CGNL1: variants seen among roughly 807,000 people sequenced by gnomAD.
The protein encoded by CGNL1 is cingulin-like protein 1.
A neutral mutation model predicts 141.2 loss-of-function variants in CGNL1; 132 were observed. That is an observed-to-expected ratio of 0.93 (90% CI 0.81 to 1.08). The LOEUF (loss-of-function observed/expected upper bound fraction) is 1.08. Ranked by LOEUF, CGNL1 falls within the 50% of genes least tolerant of loss-of-function variation. The probability of loss-of-function intolerance (pLI) is 0.00; values close to 1 mark genes in which losing one functional copy is unlikely to be tolerated. For synonymous variants in CGNL1, 690 were observed against 622.1 expected (o/e 1.11, Z -1.63); for missense variants, 1,870 against 1,588.6 (o/e 1.18, Z -3.01).
At chr15:57,406,086 T>A (rs1414244845) in intron 1 of CGNL1, 1 of 152,226 alleles carries the variant, frequency 6.6e-6, no homozygotes, top group Non-Finnish European at 1.5e-5. Context: ...CAGTGGGTGA[T>A]GAGCGCTAAG....
chr15:57,545,746 C>G (rs1418278255), intron 17 of CGNL1, 46 bp downstream of exon 17: 1 of 1,514,260 alleles, frequency 6.6e-7, no homozygotes, highest in Non-Finnish European at 9.1e-7. Context: ...GATTGCGTGT[C>G]TCAGGCTGAG....
chr15:57,539,734 C>T (rs1267685918), intron 14 of CGNL1, among the ~76,000 whole-genome samples: 3 of 152,226 alleles, frequency 2.0e-5, no homozygotes, highest in Non-Finnish European at 4.4e-5. Context: ...CCTGGATTCT[C>T]CCTGCCTCCC....
chr15:57,414,661 A>AAACAACAACAACAAC (rs10527352), intron 1 of CGNL1, among the ~76,000 whole-genome samples: 2,049 of 151,344 alleles, frequency 0.014, 19 homozygotes, highest in Middle Eastern at 0.041. Flanking sequence ...TTTAAAACCA[A>AAACAACAACAACAAC]AACAACAACA....
chr15:57,473,874 ACTTCTT>A (rs1270331869), intron 8 of CGNL1, among the ~76,000 whole-genome samples: 43 of 109,802 alleles, frequency 3.9e-4, no homozygotes, highest in East Asian at 6.8e-4. Flanking sequence ...TGATTGAGTC[ACTTCTT>A]CTTCTTCTTC....
At position 57,516,846 on chromosome 15, in the gene CGNL1, G is replaced by A. The variant is rs574028211; in HGVS notation, c.2470G>A (p.Val824Met). 22 of 1,614,208 alleles carry A rather than the reference G, an allele frequency of 1.4e-5. No homozygotes were observed. The highest frequency in any genetic ancestry group is 7.7e-5 in the South Asian group (7 of 91,082). Reference sequence around the variant, plus strand: ...AGACCAGGCGGGGACTGAAATGCGCGTGAAGCTTCTGCAGGAGGAGAATGA... The same window carrying A: ...AGACCAGGCGGGGACTGAAATGCGCATGAAGCTTCTGCAGGAGGAGAATGA... The part of the protein sequence containing the change: ...EQDQAGTEMR[V>M]KLLQEENEKL... Residue 824 changes from valine (V) to methionine (M), a missense_variant, in exon 9 of 19, where the codon GTG becomes ATG. By Grantham distance (21) the Val-to-Met change is conservative. Transcript: ENST00000281282.
chr15:57,523,676 C>T (rs779900046), intron 11 of CGNL1, 35 bp downstream of exon 11: 2 of 1,609,704 alleles, frequency 1.2e-6, no homozygotes, highest in South Asian at 1.1e-5. Context: ...GAAGTAGGGC[C>T]AGATGTCTTT....
intron 1 of CGNL1, among the ~76,000 whole-genome samples, chr15:57,401,801 A>ATT (rs2062663433): frequency 6.6e-6 from 1 of 152,016 alleles, no homozygotes; most frequent in African/African-American, 2.4e-5. Flanking sequence ...CAAAAACTTG[A>ATT]TTTTTTTGGA....
At chr15:57,476,576 G>A (rs1426644786) in intron 8 of CGNL1, among the ~76,000 whole-genome samples, 6 of 152,158 alleles carry the variant, frequency 3.9e-5, no homozygotes, top group Non-Finnish European at 7.3e-5. Context: ...AGTAGTAGGC[G>A]GCCTCTGAAG....
At chr15:57,412,640 C>T (rs1430800161) in intron 1 of CGNL1, among the ~76,000 whole-genome samples, 1 of 152,204 alleles carries the variant, frequency 6.6e-6, no homozygotes, top group African/African-American at 2.4e-5. Context: ...CTTGACGCAT[C>T]TCTGTGAGAA....
intron 1 of CGNL1, among the ~76,000 whole-genome samples, chr15:57,410,598 T>G (rs149499444): frequency 1.3e-5 from 2 of 152,318 alleles, no homozygotes; most frequent in African/African-American, 4.8e-5. Context: ...TGTGTACGTG[T>G]GTGTAGCAGG....
At chr15:57,505,277 T>G (rs775631466) in intron 8 of CGNL1, among the ~76,000 whole-genome samples, 6 of 152,136 alleles carry the variant, frequency 3.9e-5, no homozygotes, top group Non-Finnish European at 8.8e-5. Context: ...TTCACACCAT[T>G]ATCTTTCATT....
chr15:57,469,544 G>A (rs541372167), intron 8 of CGNL1, among the ~76,000 whole-genome samples: 3 of 151,976 alleles, frequency 2.0e-5, no homozygotes, highest in East Asian at 3.9e-4. Flanking sequence ...ACAGTCTATT[G>A]GGGGAGTTTC....
At chr15:57,390,663 A>G (rs1267883738) in intron 1 of CGNL1, among the ~76,000 whole-genome samples, 1 of 152,036 alleles carries the variant, frequency 6.6e-6, no homozygotes, top group South Asian at 2.1e-4. Flanking sequence ...GTGAAAAATC[A>G]TATGCATTTG....
chr15:57,494,020 TAGA>T lies in CGNL1; in HGVS notation c.2404-22755_2404-22753del, dbSNP rs551381624. 7.8e-3 allele frequency among the ~76,000 whole-genome samples: 1,183 copies of T among 152,262 alleles called. 16 individuals carry two copies. The highest frequency in any genetic ancestry group is 0.028 in the African/African-American group (1,149 of 41,552). On this transcript the variant is annotated intron_variant, in intron 8 of 18. Coordinates refer to ENST00000281282, the MANE Select transcript of CGNL1 (RefSeq NM_032866.5). ...TACCACATGTGTAACCCCCAGTACC[TAGA>T]AGAATGAGATGGACAATAAGTGCTA...
chr15:57,546,114 G>A lies in CGNL1; in HGVS notation c.3648G>A (p.Glu1216=), dbSNP rs777637905. ...LRLKAMKRQV[E]EAEEEIDRLE... is the part of the protein sequence containing the mutation. Reference sequence around the variant, plus strand: ...TGAAAGCCATGAAGCGGCAGGTGGAGGAGGCTGAGGAGGAAATCGACAGAC... The same window carrying A: ...TGAAAGCCATGAAGCGGCAGGTGGAAGAGGCTGAGGAGGAAATCGACAGAC... The change falls in exon 18 of 19, where the codon GAG becomes GAA. Residue 1216 remains glutamate, a synonymous_variant. Transcript: ENST00000281282. 8 of 1,613,998 alleles carry A rather than the reference G, an allele frequency of 5.0e-6. No individual in the cohort carries two copies. In the Admixed American group the frequency reaches 1.3e-4, roughly 27 times the overall value.
At chr15:57,418,430 T>TC (rs1284364724) in intron 1 of CGNL1, among the ~76,000 whole-genome samples, 3 of 152,194 alleles carry the variant, frequency 2.0e-5, no homozygotes, top group Non-Finnish European at 4.4e-5. Context: ...ATTAATCAGT[T>TC]CGGTTTTTCA....
At chr15:57,450,830 G>A (rs555704739) in intron 4 of CGNL1, among the ~76,000 whole-genome samples, 2 of 152,168 alleles carry the variant, frequency 1.3e-5, no homozygotes, top group Non-Finnish European at 2.9e-5. Flanking sequence ...CTCTATCATG[G>A]CAAAACCAGA....
chr15:57,409,790 C>T (rs1212210540), intron 1 of CGNL1, among the ~76,000 whole-genome samples: 2 of 152,068 alleles, frequency 1.3e-5, no homozygotes, highest in East Asian at 1.9e-4. Flanking sequence ...AATAGAAGTT[C>T]TAAGTTGAGT....
intron 1 of CGNL1, among the ~76,000 whole-genome samples, chr15:57,379,543 C>T (rs1256843089): frequency 6.6e-6 from 1 of 152,190 alleles, no homozygotes; most frequent in African/African-American, 2.4e-5. Flanking sequence ...TCCTAACTCT[C>T]TTTCCCCGTG....
Sources: allele counts gnomAD v4.1 joint callset (sites outside exome capture counted in the v4.1 genomes callset), GRCh38; gene constraint gnomAD v4.1.1; transcripts MANE v1.5; gene names NCBI Gene and HGNC (gene_info 2026-07-23, HGNC 2026-07-21).